MBNL1: variants seen among roughly 807,000 people sequenced by gnomAD.
MBNL1 encodes muscleblind-like protein 1.
A neutral mutation model predicts 42.2 loss-of-function variants in MBNL1; 8 were observed. The observed-to-expected ratio is 0.19, with a 90% CI of 0.11 to 0.34. The LOEUF is 0.34. Among genes scored for constraint, MBNL1 ranks in the 10% least tolerant of loss-of-function variants. The pLI, the probability that MBNL1 is intolerant of heterozygous loss-of-function variation, is 1.00. For missense variants in MBNL1, 309 were observed against 495.3 expected (o/e 0.62, Z 3.57); for synonymous variants, 169 against 173.9 (o/e 0.97, Z 0.22).
At chr3:152,446,853 T>C in intron 5 of MBNL1, 1 of 1,033,958 alleles carries the variant, frequency 9.7e-7, no homozygotes. Context: ...TCCTTTTTTC[T>C]GTTATAGAGT....
In MBNL1 at chr3:152,300,079, T is replaced by G; in HGVS notation, c.-115T>G. ...AAAGCAGGGAGTGGGGAAAAGTATTTTGAGGGGACATTTTCATCATCAGTT... is the reference window on the plus strand; with the variant it reads ...AAAGCAGGGAGTGGGGAAAAGTATTGTGAGGGGACATTTTCATCATCAGTT... On this transcript the variant is annotated 5_prime_UTR_variant, in exon 2 of 10. Transcript: ENST00000324210. The G allele has an allele frequency of 1.6e-6, 1 of 616,124 alleles. No homozygotes were observed. The highest frequency in any genetic ancestry group is 2.8e-6 in the Non-Finnish European group (1 of 358,154). The allele number at this position is 616,124 out of a possible 1,614,324, so 38.2% of individuals were successfully genotyped here. A position where few individuals can be genotyped will look rare whatever the true frequency, so the allele number is the denominator to read the frequency against.
At chr3:152,290,310 T>A (rs80149091) in intron 1 of MBNL1, among the ~76,000 whole-genome samples, 8,122 of 152,156 alleles carry the variant, frequency 0.053, 269 homozygotes, top group South Asian at 0.12. Flanking sequence ...GGTTTTTTTT[T>A]AAATTATATC....
chr3:152,265,387 A>AGTGTGTGTGTGTGT (rs10664067), upstream of MBNL1: 8 of 145,190 alleles, frequency 5.5e-5, no homozygotes, highest in Admixed American at 2.0e-4. Flanking sequence ...TTTGTGTGAG[A>AGTGTGTGTGTGTGT]GTGTGTGTGT....
At chr3:152,287,185 A>G (rs188692624) in intron 1 of MBNL1, among the ~76,000 whole-genome samples, 1 of 151,898 alleles carries the variant, frequency 6.6e-6, no homozygotes, top group African/African-American at 2.4e-5. Context: ...ACTGCACTCC[A>G]GCGTGGGTGA....
chr3:152,340,493 G>T, intron 2 of MBNL1: 1 of 1,543,518 alleles, frequency 6.5e-7, no homozygotes. Context: ...TTATTTCTCA[G>T]AGTATATTAA....
At chr3:152,319,527 A>G (rs1422048018) in intron 2 of MBNL1, among the ~76,000 whole-genome samples, 1 of 151,958 alleles carries the variant, frequency 6.6e-6, no homozygotes, top group Non-Finnish European at 1.5e-5. Context: ...CTGACAGATG[A>G]AAACTGCTAT....
chr3:152,266,379 C>T (rs1193488108), upstream of MBNL1: 3 of 152,178 alleles, frequency 2.0e-5, no homozygotes, highest in Non-Finnish European at 2.9e-5. Context: ...AGAAGTCCCC[C>T]CTCCTCCAGT....
intron 1 of MBNL1, among the ~76,000 whole-genome samples, chr3:152,280,745 C>T (rs1409353137): frequency 1.3e-5 from 2 of 152,120 alleles, no homozygotes; most frequent in Admixed American, 6.6e-5. Flanking sequence ...GGCCAGCTTC[C>T]AGACTTTGAA....
chr3:152,429,227 G>A (rs1361119098), intron 3 of MBNL1, among the ~76,000 whole-genome samples: 1 of 152,186 alleles, frequency 6.6e-6, no homozygotes, highest in African/African-American at 2.4e-5. Context: ...TAATAATCAT[G>A]TTTGCATAGT....
intron 6 of MBNL1, among the ~76,000 whole-genome samples, chr3:152,452,794 T>G (rs1725976800): frequency 6.6e-6 from 1 of 152,160 alleles, no homozygotes. Context: ...CTAGCATATC[T>G]CCCTCAATCA....
intron 2 of MBNL1, among the ~76,000 whole-genome samples, chr3:152,312,862 A>G (rs1030884066): frequency 6.6e-6 from 1 of 152,136 alleles, no homozygotes; most frequent in Non-Finnish European, 1.5e-5. Flanking sequence ...TGAAATTTGT[A>G]ATAAAAATTA....
At chr3:152,359,850 T>G (rs1324821572) in intron 2 of MBNL1, among the ~76,000 whole-genome samples, 1 of 152,220 alleles carries the variant, frequency 6.6e-6, no homozygotes, top group African/African-American at 2.4e-5. Flanking sequence ...AAATCATCCC[T>G]GTTTTATGGT....
At chr3:152,340,849 G>T in intron 2 of MBNL1, 1 of 1,613,838 alleles carries the variant, frequency 6.2e-7, no homozygotes, top group Non-Finnish European at 8.5e-7. Context: ...AGCCAGTGCT[G>T]CATAGACAAA....
chr3:152,408,321 T>C (rs534044605), intron 2 of MBNL1, among the ~76,000 whole-genome samples: 56 of 152,030 alleles, frequency 3.7e-4, no homozygotes, highest in Non-Finnish European at 7.4e-4. Context: ...CAGTGAAATC[T>C]CCCTAGAGAC....
intron 2 of MBNL1, chr3:152,338,046 G>T: frequency 1.1e-6 from 1 of 910,846 alleles, no homozygotes; most frequent in Non-Finnish European, 1.3e-6. Context: ...ATAATTTTAT[G>T]TCACTTATTA....
intron 2 of MBNL1, 53 bp downstream of exon 2, chr3:152,300,420 T>A (rs1488325329): frequency 7.0e-7 from 1 of 1,430,230 alleles, no homozygotes; most frequent in African/African-American, 1.4e-5. Flanking sequence ...ATGAGGGGTA[T>A]ATGGACATAC....
At chr3:152,311,269 A>T (rs781152833) in intron 2 of MBNL1, among the ~76,000 whole-genome samples, 2 of 152,110 alleles carry the variant, frequency 1.3e-5, no homozygotes, top group Non-Finnish European at 1.5e-5. Context: ...GGTCTCCCAA[A>T]GTGCTGGGAT....
intron 2 of MBNL1, among the ~76,000 whole-genome samples, chr3:152,368,319 G>C (rs780242765): frequency 6.6e-6 from 1 of 152,140 alleles, no homozygotes; most frequent in Non-Finnish European, 1.5e-5. Flanking sequence ...TGAGATAGTT[G>C]TAGATGTGTG....
At chr3:152,442,587 T>G (rs1401258075) in intron 4 of MBNL1, among the ~76,000 whole-genome samples, 1 of 152,242 alleles carries the variant, frequency 6.6e-6, no homozygotes, top group East Asian at 1.9e-4. Flanking sequence ...TTGTCAGTTA[T>G]AATTTACTAA....
Sources: allele counts gnomAD v4.1 joint callset (sites outside exome capture counted in the v4.1 genomes callset), GRCh38; gene constraint gnomAD v4.1.1; transcripts MANE v1.5; gene names NCBI Gene and HGNC (gene_info 2026-07-23, HGNC 2026-07-21).